Variants in CNTN4 observed in about 807,000 individuals in gnomAD.
CNTN4 encodes contactin 4.
In CNTN4, 77 loss-of-function variants were observed where a neutral mutation model predicts 122.5. That is an observed-to-expected ratio of 0.63 (90% CI 0.52 to 0.76). The LOEUF is 0.76. Ranked by LOEUF, CNTN4 falls within the 30% of genes least tolerant of loss-of-function variation. The pLI, the probability that CNTN4 is intolerant of heterozygous loss-of-function variation, is 0.00. For synonymous variants in CNTN4, 512 were observed against 447.0 expected (o/e 1.15, Z -1.83); for missense variants, 1,256 against 1,259.1 (o/e 1.00, Z 0.04).
intron 7 of CNTN4, among the ~76,000 whole-genome samples, chr3:2,865,517 CAGTCAACT>C (rs1278430945): frequency 6.6e-6 from 1 of 152,182 alleles, no homozygotes; most frequent in Non-Finnish European, 1.5e-5. Context: ...TATAAGAACT[CAGTCAACT>C]AGTTCTGAAA....
chr3:2,714,948 G>A (rs1237341036), intron 4 of CNTN4, among the ~76,000 whole-genome samples: 1 of 152,160 alleles, frequency 6.6e-6, no homozygotes, highest in Non-Finnish European at 1.5e-5. Flanking sequence ...TGCTTTGGAA[G>A]GCTGTACTAT....
intron 2 of CNTN4, among the ~76,000 whole-genome samples, chr3:2,215,989 A>G (rs2038823160): frequency 1.3e-5 from 2 of 152,030 alleles, no homozygotes; most frequent in South Asian, 4.1e-4. Context: ...AATTCCTCAA[A>G]GAACTAAAAG....
At chr3:2,660,077 C>T (rs1488339456) in intron 4 of CNTN4, among the ~76,000 whole-genome samples, 2 of 152,144 alleles carry the variant, frequency 1.3e-5, no homozygotes, top group East Asian at 1.9e-4. Flanking sequence ...CAGAAATTTA[C>T]ATTTCTTCCC....
At chr3:2,880,385 G>C (rs1477536662) in intron 8 of CNTN4, among the ~76,000 whole-genome samples, 2 of 152,150 alleles carry the variant, frequency 1.3e-5, no homozygotes, top group Non-Finnish European at 1.5e-5. Flanking sequence ...AATTAACACT[G>C]CTCTCAGAGT....
intron 3 of CNTN4, among the ~76,000 whole-genome samples, chr3:2,345,703 G>T (rs1366437400): frequency 1.3e-5 from 2 of 152,112 alleles, no homozygotes; most frequent in Non-Finnish European, 2.9e-5. Flanking sequence ...AATACATATT[G>T]TGCTAAGTAC....
chr3:2,450,707 C>G (rs1324247510), intron 3 of CNTN4, among the ~76,000 whole-genome samples: 2 of 152,152 alleles, frequency 1.3e-5, no homozygotes, highest in Non-Finnish European at 2.9e-5. Flanking sequence ...AGGCTCCTTG[C>G]TAAAATGCAA....
At chr3:2,340,208 T>G (rs1409615607) in intron 3 of CNTN4, among the ~76,000 whole-genome samples, 3 of 152,178 alleles carry the variant, frequency 2.0e-5, no homozygotes, top group Non-Finnish European at 4.4e-5. Flanking sequence ...CTCATAACAG[T>G]ATGCCTAAAA....
intron 6 of CNTN4, among the ~76,000 whole-genome samples, chr3:2,750,035 A>G (rs556670412): frequency 6.6e-6 from 1 of 152,160 alleles, no homozygotes; most frequent in Non-Finnish European, 1.5e-5. Flanking sequence ...CTCTTTAATC[A>G]TACAATTTTA....
At chr3:2,109,188 C>T (rs936866554) in intron 2 of CNTN4, among the ~76,000 whole-genome samples, 3 of 152,132 alleles carry the variant, frequency 2.0e-5, no homozygotes, top group African/African-American at 7.2e-5. Context: ...AAAATATTTT[C>T]CATGTTTAGG....
rs897932292 is a variant in CNTN4, at chr3:2,763,705, G to A, written c.358+18008G>A. 1.3e-3 allele frequency among the ~76,000 whole-genome samples: 202 copies of A among 152,272 alleles called. 1 individual carries two copies. The highest frequency in any genetic ancestry group is 4.4e-3 in the African/African-American group (184 of 41,540). ...ACTTTCAATATTCTGCATATGGCTA[G>A]CCAGTTATCCCGGCACCATTTATTG... On this transcript the variant is annotated intron_variant, in intron 6 of 24. Transcript: ENST00000418658.
rs535609480 is a variant in CNTN4 at position 2,314,492 on chromosome 3, T to G, written c.-144-24686T>G. ...TGAAGCTGTATAAATGTGGATTATA[T>G]GAGCATGATGTGATAATAGGTGAAA... On this transcript the variant is annotated intron_variant, in intron 2 of 24. Transcript: ENST00000418658. 8.6e-5 allele frequency among the ~76,000 whole-genome samples: 13 copies of G among 152,040 alleles called. No individual in the cohort carries two copies. The South Asian group carries it at 2.7e-3, about 32-fold the overall frequency.
At chr3:2,791,695 G>A (rs928786129) in intron 6 of CNTN4, among the ~76,000 whole-genome samples, 8 of 152,150 alleles carry the variant, frequency 5.3e-5, no homozygotes, top group African/African-American at 1.7e-4. Flanking sequence ...AAAGAAATGT[G>A]TTCTTTTACG....
chr3:2,503,603 G>GT (rs920682606), intron 3 of CNTN4, among the ~76,000 whole-genome samples: 63 of 152,198 alleles, frequency 4.1e-4, no homozygotes, highest in African/African-American at 1.5e-3. Context: ...CACACAGTTA[G>GT]TAAGTGGACA....
chr3:2,530,634 A>T (rs1202692483), intron 3 of CNTN4, among the ~76,000 whole-genome samples: 1 of 152,002 alleles, frequency 6.6e-6, no homozygotes. Context: ...AACCACGTTG[A>T]TTGGGACTAT....
At chr3:2,819,644 C>A in intron 7 of CNTN4, 63 bp downstream of exon 7, 2 of 1,227,832 alleles carry the variant, frequency 1.6e-6, no homozygotes, top group South Asian at 1.2e-5. Context: ...CCTCAATGTT[C>A]TCCCTCCTGA....
intron 4 of CNTN4, among the ~76,000 whole-genome samples, chr3:2,731,088 A>G (rs899793152): frequency 6.6e-6 from 1 of 151,996 alleles, no homozygotes; most frequent in African/African-American, 2.4e-5. Flanking sequence ...AACCTAGGAA[A>G]ATAATATTAA....
chr3:2,243,806 G>A (rs992445539), intron 2 of CNTN4, among the ~76,000 whole-genome samples: 1 of 151,976 alleles, frequency 6.6e-6, no homozygotes. Flanking sequence ...GTTCAGACTC[G>A]CATTTGATAG....
intron 3 of CNTN4, among the ~76,000 whole-genome samples, chr3:2,354,456 G>T (rs9870901): frequency 2.6e-5 from 4 of 152,084 alleles, no homozygotes; most frequent in African/African-American, 9.7e-5. Flanking sequence ...ACTTGAACCC[G>T]GGAGGCGGAG....
At chr3:2,345,774 A>T (rs370069058) in intron 3 of CNTN4, among the ~76,000 whole-genome samples, 2 of 152,146 alleles carry the variant, frequency 1.3e-5, no homozygotes, top group East Asian at 1.9e-4. Flanking sequence ...CCGCACCACA[A>T]CTAATTTATT....
Sources: gnomAD v4.1 joint callset for allele counts (sites outside exome capture counted in the v4.1 genomes callset) on GRCh38, gnomAD v4.1.1 for gene constraint, MANE v1.5 for transcripts, NCBI Gene and HGNC (gene_info 2026-07-23, HGNC 2026-07-21) for gene names.